IFT43: variants seen among roughly 807,000 people sequenced by gnomAD.
The protein encoded by IFT43 is intraflagellar transport protein 43 homolog.
A neutral mutation model predicts 32.3 loss-of-function variants in IFT43; 33 were observed. That is an observed-to-expected ratio of 1.02 (90% CI 0.77 to 1.37). The LOEUF is 1.37. Among genes scored for constraint, IFT43 ranks in the 40% most tolerant of loss-of-function variants. IFT43 has a pLI of 0.00. For synonymous variants in IFT43, 93 were observed against 98.2 expected, an observed-to-expected ratio of 0.95 and a Z score of 0.31; for missense variants, 274 against 265.9, an observed-to-expected ratio of 1.03 and a Z score of -0.21.
At chr14:75,999,755 G>A (rs902328352) in intron 2 of IFT43, among the ~76,000 whole-genome samples, 1 of 152,198 alleles carries the variant, frequency 6.6e-6, no homozygotes, top group Non-Finnish European at 1.5e-5. Flanking sequence ...TGCAAAGCCT[G>A]TTCTAAGGCA....
chr14:76,033,637 G>A (rs2036547552), intron 3 of IFT43, among the ~76,000 whole-genome samples: 1 of 152,168 alleles, frequency 6.6e-6, no homozygotes, highest in South Asian at 2.1e-4. Context: ...AGGCTGATGA[G>A]GGGTAAGAGA....
intron 2 of IFT43, among the ~76,000 whole-genome samples, chr14:76,002,199 A>T (rs557393457): frequency 1.3e-5 from 2 of 152,252 alleles, no homozygotes; most frequent in Non-Finnish European, 2.9e-5. Flanking sequence ...GTGAGCCAAG[A>T]TGGTGCCATT....
At chr14:76,060,733 C>A (rs1283072569) in intron 5 of IFT43, among the ~76,000 whole-genome samples, 1 of 152,102 alleles carries the variant, frequency 6.6e-6, no homozygotes, top group Non-Finnish European at 1.5e-5. Flanking sequence ...ACACAGAATT[C>A]TAGGCTGACA....
At chr14:76,048,310 C>A (rs1404030052) in intron 3 of IFT43, among the ~76,000 whole-genome samples, 1 of 152,120 alleles carries the variant, frequency 6.6e-6, no homozygotes, top group Non-Finnish European at 1.5e-5. Context: ...AAAAAACTTC[C>A]AAGGAAAAAA....
At chr14:76,066,062 G>A (rs2037220331) in intron 5 of IFT43, among the ~76,000 whole-genome samples, 1 of 152,218 alleles carries the variant, frequency 6.6e-6, no homozygotes, top group Non-Finnish European at 1.5e-5. Flanking sequence ...CTAACAAATG[G>A]TACAACTCTC....
chr14:75,998,214 G>A (rs1262279185), intron 2 of IFT43, among the ~76,000 whole-genome samples: 2 of 152,120 alleles, frequency 1.3e-5, no homozygotes, highest in African/African-American at 4.8e-5. Flanking sequence ...TCTCCTCCCT[G>A]GAGACTGGCA....
Position 76,006,855 on chromosome 14 carries a change from A to ATT in IFT43, c.148-15453_148-15452dup, listed in dbSNP as rs35845700. Among the ~76,000 whole-genome samples, 756 of 124,388 alleles carry ATT rather than the reference A, an allele frequency of 6.1e-3. 9 individuals are homozygous for ATT. The highest frequency in any genetic ancestry group is 9.6e-3 in the African/African-American group (320 of 33,436). The allele number at this position is 124,388 out of a possible 152,430, so 81.6% of individuals were successfully genotyped here. On this transcript the variant is annotated intron_variant, in intron 2 of 8. Transcript: ENST00000314067. Reference sequence around the variant, plus strand: ...AATATTTTTTAGGATTACTGGGGACATTTTTTTTTTTTTTTTTTTTGAGAC... The same window carrying ATT: ...AATATTTTTTAGGATTACTGGGGACATTTTTTTTTTTTTTTTTTTTTTGAGAC...
chr14:76,006,740 T>A (rs536012189), intron 2 of IFT43, among the ~76,000 whole-genome samples: 96 of 152,266 alleles, frequency 6.3e-4, no homozygotes, highest in African/African-American at 2.2e-3. Flanking sequence ...TAAGCTGTAC[T>A]GCCAATCCAC....
Position 76,036,311 on chromosome 14 carries a change from ATTTCCTTCCTTCCTTCCTTCCTTC to A in IFT43, c.215+13933_215+13956del, listed in dbSNP as rs2036596446. Among the ~76,000 whole-genome samples the A allele has an allele frequency of 2.7e-5, 4 of 146,800 alleles. No individual in the cohort carries two copies. In the South Asian group the frequency reaches 6.7e-4, roughly 25 times the overall value. On this transcript the variant is annotated intron_variant, in intron 3 of 8. Coordinates refer to ENST00000314067, the MANE Select transcript of IFT43 (RefSeq NM_001102564.3). ...CAAGGTCCATATATTGTATTTAGCCATTTCCTTCCTTCCTTCCTTCCTTCTTTCCTTCCTTCCTTTTTTTTGTTT... is the reference window on the plus strand; with the variant it reads ...CAAGGTCCATATATTGTATTTAGCCATTTCCTTCCTTCCTTTTTTTTGTTT...
chr14:76,071,521 A>C (rs1218909042), intron 5 of IFT43, among the ~76,000 whole-genome samples: 1 of 152,134 alleles, frequency 6.6e-6, no homozygotes, highest in Non-Finnish European at 1.5e-5. Flanking sequence ...CCTGTGGTGT[A>C]AATACTCCCA....
At chr14:76,067,699 T>C (rs1367704832) in intron 5 of IFT43, among the ~76,000 whole-genome samples, 1 of 152,132 alleles carries the variant, frequency 6.6e-6, no homozygotes, top group African/African-American at 2.4e-5. Flanking sequence ...ATGTACTATA[T>C]GGGAACTATT....
At chr14:76,014,499 G>A (rs983008473) in intron 2 of IFT43, among the ~76,000 whole-genome samples, 3 of 151,998 alleles carry the variant, frequency 2.0e-5, no homozygotes, top group African/African-American at 7.3e-5. Context: ...CATTTCCCGG[G>A]GACCCTTAAA....
chr14:76,038,071 A>C (rs1330465627), intron 3 of IFT43: 2 of 152,306 alleles, frequency 1.3e-5, no homozygotes, highest in East Asian at 3.9e-4. Flanking sequence ...TTCCCTTGCT[A>C]CCCTTAGCCG....
chr14:76,080,544 C>T (rs1050473228), intron 5 of IFT43, among the ~76,000 whole-genome samples: 2 of 152,018 alleles, frequency 1.3e-5, no homozygotes. Flanking sequence ...CTAAACTCAG[C>T]ACAGTGCATT....
intron 3 of IFT43, among the ~76,000 whole-genome samples, chr14:76,029,335 A>G (rs1356264563): frequency 1.3e-5 from 2 of 152,014 alleles, no homozygotes; most frequent in African/African-American, 4.8e-5. Flanking sequence ...TGATTTGTTT[A>G]ACTTCCTTAT....
At chr14:76,031,397 G>A (rs1594830560) in intron 3 of IFT43, among the ~76,000 whole-genome samples, 2 of 152,102 alleles carry the variant, frequency 1.3e-5, no homozygotes, top group South Asian at 2.1e-4. Flanking sequence ...TTTTGGATGC[G>A]TTATTCTGTG....
intron 5 of IFT43, among the ~76,000 whole-genome samples, chr14:76,070,854 G>T (rs1431631884): frequency 6.6e-5 from 10 of 152,024 alleles, no homozygotes; most frequent in African/African-American, 2.4e-4. Flanking sequence ...GCTTCCTGAG[G>T]CCTCCCCAGA....
chr14:76,067,431 G>T (rs1177096337), intron 5 of IFT43, among the ~76,000 whole-genome samples: 1 of 152,054 alleles, frequency 6.6e-6, no homozygotes, highest in South Asian at 2.1e-4. Flanking sequence ...TTAGTCGTGT[G>T]TGGTGGTGCA....
intron 2 of IFT43, among the ~76,000 whole-genome samples, chr14:76,019,739 G>A (rs2036255779): frequency 6.6e-6 from 1 of 152,072 alleles, no homozygotes; most frequent in South Asian, 2.1e-4. Context: ...CATATGTCAA[G>A]TAGGCTTCCT....
Sources: allele counts gnomAD v4.1 joint callset (sites outside exome capture counted in the v4.1 genomes callset), GRCh38; gene constraint gnomAD v4.1.1; transcripts MANE v1.5; gene names NCBI Gene and HGNC (gene_info 2026-07-23, HGNC 2026-07-21).